SYNPO: variants seen among roughly 807,000 people sequenced by gnomAD.
SYNPO encodes synaptopodin.
A neutral mutation model predicts 49.5 loss-of-function variants in SYNPO; 19 were observed. The ratio of observed to expected loss-of-function variants is 0.38; its 90% CI spans 0.27 to 0.56. The LOEUF (loss-of-function observed/expected upper bound fraction) is 0.56, where lower values mean the gene tolerates loss of function less well. SYNPO is among the 20% of genes least tolerant of loss of function. The pLI is 0.68. For missense variants in SYNPO, 1,131 were observed against 1,248.3 expected (o/e 0.91, Z 1.42); for synonymous variants, 536 against 548.0 (o/e 0.98, Z 0.31).
rs201546564 is a variant in SYNPO, at chr5:150,649,985, G to A, written c.1710G>A (p.Ser570=). 1.7e-5 allele frequency: 28 copies of A among 1,612,566 alleles called. No individual in the cohort carries two copies. The highest frequency in any genetic ancestry group is 1.2e-4 in the South Asian group (11 of 91,084). Residue 570 remains serine, a synonymous_variant, in exon 2 of 3, where the codon TCG becomes TCA. Transcript: ENST00000307662. ...AGCCGCCATACCAGCTGCGCCCCTC[G>A]CTCTTTGTCCTCTCACCTATCAAGG... The part of the protein sequence containing the change: ...TKQPPYQLRP[S]LFVLSPIKEP...
chr5:150,620,902 TTTCTTTCTTTCTTTCTTTCTTTC>T (rs1757137953), intron 2 of SYNPO, among the ~76,000 whole-genome samples: 1 of 104,570 alleles, frequency 9.6e-6, no homozygotes, highest in South Asian at 2.8e-4. Flanking sequence ...TTTTTTTCTC[TTTCTTTCTTTCTTTCTTTCTTTC>T]TTTCTTTCTT....
rs892507688 is a variant in SYNPO at position 150,608,749 on chromosome 5, C to A, written c.-266+7561C>A. Among the ~76,000 whole-genome samples, 3 of 152,092 alleles carry A rather than the reference C, an allele frequency of 2.0e-5. No individual in the cohort carries two copies. The South Asian group carries it at 6.2e-4, about 31-fold the overall frequency. On this transcript the variant is annotated intron_variant, in intron 1 of 2. Transcript: ENST00000394243. Reference sequence around the variant, plus strand: ...AATACGCTGATCCCAGGTCCTACCCCCAGAAGCTGTGATTTAATTTGTCTG... The same window carrying A: ...AATACGCTGATCCCAGGTCCTACCCACAGAAGCTGTGATTTAATTTGTCTG...
At chr5:150,610,634 A>G (rs750872215) in intron 1 of SYNPO, among the ~76,000 whole-genome samples, 57 of 152,284 alleles carry the variant, frequency 3.7e-4, no homozygotes, top group Non-Finnish European at 3.4e-4. Flanking sequence ...AATTATAATA[A>G]CAACAGCTGT....
At chr5:150,595,856 C>T in the SYNPO span, among the ~76,000 whole-genome samples, 1 of 151,302 alleles carries the variant, frequency 6.6e-6, no homozygotes, top group African/African-American at 2.4e-5. Context: ...CCCCCCACCC[C>T]CCCAGCTGGC....
At chr5:150,635,890 A>G (rs2151392907), upstream of SYNPO, among the ~76,000 whole-genome samples, 1 of 152,320 alleles carries the variant, frequency 6.6e-6, no homozygotes. Context: ...TTAGACAAGC[A>G]TATGCCTCAC....
In SYNPO at chr5:150,615,539, A is replaced by G. The variant is rs114055073; in HGVS notation, c.-265-2564A>G. On this transcript the variant is annotated intron_variant, in intron 1 of 2. Transcript: ENST00000394243. Reference sequence around the variant, plus strand: ...GGGGATCCTGCAATGCCACAGTTGGACGGATCCTCCAGCATCATCTGGCTC... The same window carrying G: ...GGGGATCCTGCAATGCCACAGTTGGGCGGATCCTCCAGCATCATCTGGCTC... Among the ~76,000 whole-genome samples the G allele has an allele frequency of 3.8e-3, 575 of 152,280 alleles. 2 individuals are homozygous for G. The highest frequency in any genetic ancestry group is 0.013 in the African/African-American group (532 of 41,560).
intron 2 of SYNPO, among the ~76,000 whole-genome samples, chr5:150,623,890 G>A (rs929735480): frequency 6.6e-6 from 1 of 152,236 alleles, no homozygotes; most frequent in Non-Finnish European, 1.5e-5. Context: ...CTCCAACCGT[G>A]GTTCTGTTTC....
chr5:150,618,229 C>T (rs1366256384), exon 2 of SYNPO: 49 of 1,073,676 alleles, frequency 4.6e-5, no homozygotes, highest in Admixed American at 1.8e-4. Context: ...TGTGAATCAG[C>T]GGAGGAAGGC....
chr5:150,652,942 TCA>T (rs1758440907), intron 2 of SYNPO: 4 of 152,176 alleles, frequency 2.6e-5, no homozygotes, highest in African/African-American at 9.7e-5. Flanking sequence ...TCTCTGGGCC[TCA>T]GTTTCCCCTT....
upstream of SYNPO, among the ~76,000 whole-genome samples, chr5:150,596,783 A>G (rs962493893): frequency 2.7e-4 from 41 of 152,276 alleles, no homozygotes; most frequent in African/African-American, 9.4e-4. Flanking sequence ...AGAGGCTGCC[A>G]TCTCCTGCAC....
At chr5:150,594,746 G>A in the SYNPO span, among the ~76,000 whole-genome samples, 16 of 152,196 alleles carry the variant, frequency 1.1e-4, no homozygotes, top group East Asian at 1.9e-4. Flanking sequence ...GGAGGTGGGC[G>A]TGGTGAACAT....
intron 1 of SYNPO, among the ~76,000 whole-genome samples, chr5:150,602,672 G>C (rs1756575226): frequency 6.6e-6 from 1 of 152,098 alleles, no homozygotes; most frequent in Non-Finnish European, 1.5e-5. Context: ...CCAGGCTGGA[G>C]TCTAGTAGCA....
chr5:150,631,702 G>A (rs1581483892), intron 2 of SYNPO, among the ~76,000 whole-genome samples: 1 of 152,122 alleles, frequency 6.6e-6, no homozygotes, highest in East Asian at 1.9e-4. Context: ...CACCCTGATA[G>A]TGCTATCGAC....
intron 2 of SYNPO, among the ~76,000 whole-genome samples, chr5:150,635,628 C>T (rs1554109558): frequency 6.6e-6 from 1 of 152,160 alleles, no homozygotes; most frequent in Admixed American, 6.5e-5. Context: ...GCTACTATGC[C>T]TGGCAAATAT....
In SYNPO at chr5:150,648,630, T is replaced by C. The variant is rs1045058276; in HGVS notation, c.355T>C (p.Ser119Pro). ...ACTTTCTAGCATCCAACAGAATTCC[T>C]CAGAGGCCCAACTCCCATCTAATGG... ...LPLSSIQQNS[S>P]EAQLPSNGTG... Residue 119 changes from serine (S) to proline (P), a missense_variant, in exon 2 of 3, where the codon TCA becomes CCA. Ser to Pro is a moderately conservative substitution (Grantham distance 74, BLOSUM62 -1). Transcript: ENST00000307662. This position sits in a 1 kb window ranked among gnomAD's most constrained non-coding sequence, Gnocchi z 5.0. The C allele has an allele frequency of 6.2e-7, 1 of 1,614,044 alleles. No individual in the cohort carries two copies. The highest frequency in any genetic ancestry group is 1.3e-5 in the African/African-American group (1 of 74,908).
At chr5:150,641,567 C>T (rs146490093) in intron 1 of SYNPO, among the ~76,000 whole-genome samples, 2,116 of 152,318 alleles carry the variant, frequency 0.014, 52 homozygotes, top group African/African-American at 0.048. Flanking sequence ...CCTGTGGATC[C>T]TCCATCCACA....
At chr5:150,588,095 T>C in the SYNPO span, among the ~76,000 whole-genome samples, 1 of 152,280 alleles carries the variant, frequency 6.6e-6, no homozygotes, top group East Asian at 1.9e-4. Context: ...ATTTTTTTAG[T>C]TTCAAAAAAG....
chr5:150,613,318 C>A (rs1202637022), intron 1 of SYNPO, among the ~76,000 whole-genome samples: 1 of 152,154 alleles, frequency 6.6e-6, no homozygotes, highest in Non-Finnish European at 1.5e-5. Context: ...CCTAGGCAAC[C>A]AAAGGCTGTC....
the SYNPO span, among the ~76,000 whole-genome samples, chr5:150,595,707 C>T: frequency 1.3e-5 from 2 of 152,226 alleles, no homozygotes; most frequent in African/African-American, 4.8e-5. Context: ...CTGTGCTGGC[C>T]TTCGCGATAA....
Sources: gnomAD v4.1 joint callset for allele counts (sites outside exome capture counted in the v4.1 genomes callset) on GRCh38, gnomAD v4.1.1 for gene constraint, Gnocchi (gnomAD v3.1) non-coding constraint, MANE v1.5 for transcripts, NCBI Gene and HGNC (gene_info 2026-07-23, HGNC 2026-07-21) for gene names.